Variants in MIB1 observed in about 807,000 individuals in gnomAD.
MIB1 encodes the protein MIB E3 ubiquitin protein ligase 1.
MIB1 carries 278 observed loss-of-function variants against 124.5 expected under a neutral mutation model. The ratio of observed to expected loss-of-function variants is 2.23; its 90% CI spans 2.02 to 2.47. MIB1 has a LOEUF of 2.47. Among genes scored for constraint, MIB1 ranks in the 30% most tolerant of loss-of-function variants. The pLI is 0.00. For missense variants in MIB1, 957 were observed against 1,254.4 expected, an observed-to-expected ratio of 0.76 and a Z score of 3.58; for synonymous variants, 446 against 429.4, an observed-to-expected ratio of 1.04 and a Z score of -0.48.
In MIB1 at chr18:21,741,436, C is replaced by A. The variant is rs2040848863; in HGVS notation, c.-148C>A. On this transcript the variant is annotated 5_prime_UTR_variant, in exon 1 of 21. Transcript: ENST00000261537. This position sits in a 1 kb window ranked among gnomAD's most constrained non-coding sequence, Gnocchi z 5.4. Reference sequence around the variant, plus strand: ...GGCTCCGCGGGGACCGCGCCGCCGCCCCCGTGAGTTATTCTCACGTCCCCC... The same window carrying A: ...GGCTCCGCGGGGACCGCGCCGCCGCACCCGTGAGTTATTCTCACGTCCCCC... 2.8e-6 allele frequency: 1 copy of A among 359,650 alleles called. No homozygotes were observed. The allele number at this position is 359,650 out of a possible 1,614,324, so 22.3% of individuals were successfully genotyped here. A position where few individuals can be genotyped will look rare whatever the true frequency, so the allele number is the denominator to read the frequency against.
chr18:21,809,281 A>T (rs1285159287), intron 10 of MIB1, among the ~76,000 whole-genome samples: 1 of 152,134 alleles, frequency 6.6e-6, no homozygotes, highest in Non-Finnish European at 1.5e-5. Flanking sequence ...AAATTTTCCT[A>T]ACAAGGAAAA....
intron 1 of MIB1, among the ~76,000 whole-genome samples, chr18:21,733,415 A>C (rs1240233904): frequency 1.3e-5 from 2 of 152,112 alleles, no homozygotes; most frequent in African/African-American, 4.8e-5. Context: ...GTGTGTACCC[A>C]CACCTGACTA....
At chr18:21,861,571 GAAGTATTTA>G (rs1321894697) in intron 20 of MIB1, among the ~76,000 whole-genome samples, 4 of 150,150 alleles carry the variant, frequency 2.7e-5, no homozygotes, top group Non-Finnish European at 5.9e-5. Flanking sequence ...TTTTATCACT[GAAGTATTTA>G]AACAGTTTTA....
chr18:21,847,733 G>A (rs1481164647), intron 16 of MIB1, among the ~76,000 whole-genome samples: 1 of 152,174 alleles, frequency 6.6e-6, no homozygotes, highest in African/African-American at 2.4e-5. Flanking sequence ...CCTGACAGGT[G>A]CACTCAGTAT....
Position 21,798,239 on chromosome 18 carries a change from T to A in MIB1, c.1237+11T>A. 1 of 1,612,276 alleles carries A rather than the reference T, an allele frequency of 6.2e-7. No homozygotes were observed. Among genetic ancestry groups the A allele is most frequent in the Non-Finnish European group, 8.5e-7 (1 of 1,178,776 alleles). On this transcript the variant is annotated intron_variant, in intron 8 of 20. Transcript: ENST00000261537. ...GCAATGCATCTGGTGGTATGTTTTATATTGTGTTTCTTTAAGAGTAATGTG... is the reference window on the plus strand; with the variant it reads ...GCAATGCATCTGGTGGTATGTTTTAAATTGTGTTTCTTTAAGAGTAATGTG...
intron 12 of MIB1, among the ~76,000 whole-genome samples, chr18:21,833,365 A>G (rs1484630480): frequency 6.6e-6 from 1 of 152,108 alleles, no homozygotes; most frequent in African/African-American, 2.4e-5. Context: ...TACCTTTTTG[A>G]TCAAAATGTG....
chr18:21,754,956 GACA>G (rs1411988834), intron 1 of MIB1, among the ~76,000 whole-genome samples: 3 of 152,178 alleles, frequency 2.0e-5, no homozygotes, highest in Admixed American at 2.0e-4. Flanking sequence ...CAGTATTTCT[GACA>G]ACAACGAAAC....
chr18:21,775,074 T>G (rs531095612), intron 4 of MIB1, among the ~76,000 whole-genome samples: 1 of 152,190 alleles, frequency 6.6e-6, no homozygotes, highest in Non-Finnish European at 1.5e-5. Flanking sequence ...GCCTTCCTAG[T>G]AGCTGGGACT....
chr18:21,824,746 A>G (rs1315853664), intron 12 of MIB1, among the ~76,000 whole-genome samples: 1 of 152,092 alleles, frequency 6.6e-6, no homozygotes, highest in East Asian at 1.9e-4. Flanking sequence ...ATGTGTGAAC[A>G]TCTGGGTCTT....
intron 1 of MIB1, among the ~76,000 whole-genome samples, chr18:21,734,867 G>A (rs563220011): frequency 6.6e-6 from 1 of 152,114 alleles, no homozygotes; most frequent in East Asian, 1.9e-4. Context: ...CCTTCTTAGT[G>A]CTTCAAACTA....
At chr18:21,778,589 T>C (rs2041320164) in intron 5 of MIB1, among the ~76,000 whole-genome samples, 1 of 152,094 alleles carries the variant, frequency 6.6e-6, no homozygotes, top group Admixed American at 6.5e-5. Flanking sequence ...ATTTCATGTA[T>C]CATTAAAATA....
At chr18:21,860,933 G>A (rs1015913105) in intron 20 of MIB1, among the ~76,000 whole-genome samples, 4 of 152,104 alleles carry the variant, frequency 2.6e-5, no homozygotes, top group Non-Finnish European at 5.9e-5. Flanking sequence ...TACCTACTTG[G>A]GGAACTGAGG....
At chr18:21,819,190 G>A (rs1225858358) in intron 11 of MIB1, among the ~76,000 whole-genome samples, 4 of 152,028 alleles carry the variant, frequency 2.6e-5, no homozygotes, top group African/African-American at 7.2e-5. Flanking sequence ...GGTGCACACC[G>A]CCGTGCCCGG....
At chr18:21,814,741 T>C (rs1366044980) in intron 10 of MIB1, among the ~76,000 whole-genome samples, 4 of 151,416 alleles carry the variant, frequency 2.6e-5, no homozygotes, top group Non-Finnish European at 4.4e-5. Flanking sequence ...GTCTGGCTAA[T>C]GTTTGTAATT....
chr18:21,784,104 A>G (rs2041404955), intron 6 of MIB1, among the ~76,000 whole-genome samples: 1 of 143,358 alleles, frequency 7.0e-6, no homozygotes. Flanking sequence ...GCTGGAGTGC[A>G]GTGGTGTGAT....
At chr18:21,746,424 T>C (rs573698900) in intron 1 of MIB1, among the ~76,000 whole-genome samples, 11 of 151,802 alleles carry the variant, frequency 7.2e-5, no homozygotes, top group African/African-American at 2.2e-4. Flanking sequence ...TTAGTATCTG[T>C]TTGAGTGATA....
intron 1 of MIB1, among the ~76,000 whole-genome samples, chr18:21,718,925 G>A (rs1311405139): frequency 6.6e-6 from 1 of 151,584 alleles, no homozygotes; most frequent in Non-Finnish European, 1.5e-5. Context: ...GCATGGCTGG[G>A]TGTGGTGGCT....
At chr18:21,806,527 T>C (rs1038495323) in intron 10 of MIB1, among the ~76,000 whole-genome samples, 1 of 151,922 alleles carries the variant, frequency 6.6e-6, no homozygotes, top group African/African-American at 2.4e-5. Context: ...TGTACTCAAA[T>C]ACAAAACAAA....
intron 1 of MIB1, among the ~76,000 whole-genome samples, chr18:21,764,822 T>C (rs1384628401): frequency 1.3e-5 from 2 of 152,146 alleles, no homozygotes; most frequent in Non-Finnish European, 2.9e-5. Flanking sequence ...GACATAAAAG[T>C]AAATACAGAC....
Sources: gnomAD v4.1 joint callset for allele counts (sites outside exome capture counted in the v4.1 genomes callset) on GRCh38, gnomAD v4.1.1 for gene constraint, Gnocchi (gnomAD v3.1) non-coding constraint, MANE v1.5 for transcripts, NCBI Gene and HGNC (gene_info 2026-07-23, HGNC 2026-07-21) for gene names.